The following ADGRD1 variants were observed in gnomAD, a reference collection of about 807,000 sequenced individuals.
ADGRD1 encodes the protein adhesion G protein-coupled receptor D1, also known as G-protein coupled receptor 133.
A neutral mutation model predicts 113.4 loss-of-function variants in ADGRD1; 77 were observed. The ratio of observed to expected loss-of-function variants is 0.68; its 90% CI spans 0.57 to 0.82. ADGRD1 has a LOEUF of 0.82. Ranked by LOEUF, ADGRD1 falls within the 40% of genes least tolerant of loss-of-function variation. The probability of loss-of-function intolerance (pLI) is 0.00; values close to 1 mark genes in which losing one functional copy is unlikely to be tolerated. For synonymous variants in ADGRD1, 474 were observed against 475.0 expected, an observed-to-expected ratio of 1.00 and a Z score of 0.03; for missense variants, 1,036 against 1,139.1, an observed-to-expected ratio of 0.91 and a Z score of 1.30.
intron 12 of ADGRD1, 118 bp from the exon 13 acceptor site, chr12:131,014,069 TCAAAGCTTCATC>T (rs1313184578): frequency 2.2e-6 from 2 of 897,620 alleles, no homozygotes; most frequent in African/African-American, 3.4e-5. Flanking sequence ...ATGAAAGAAA[TCAAAGCTTCATC>T]CAAAGAAGAT....
intron 11 of ADGRD1, among the ~76,000 whole-genome samples, chr12:131,004,742 A>G (rs550926631): frequency 6.6e-6 from 1 of 152,278 alleles, no homozygotes; most frequent in African/African-American, 2.4e-5. Context: ...TGAGGGGTTC[A>G]TCTGTTCAGG....
At chr12:131,056,953 A>G (rs1221909289) in intron 13 of ADGRD1, among the ~76,000 whole-genome samples, 1 of 152,174 alleles carries the variant, frequency 6.6e-6, no homozygotes, top group African/African-American at 2.4e-5. Context: ...GGAGGCGTTG[A>G]TTGTGCCGTG....
At chr12:131,012,025 C>T (rs748467182) in intron 12 of ADGRD1, among the ~76,000 whole-genome samples, 10 of 152,176 alleles carry the variant, frequency 6.6e-5, no homozygotes, top group African/African-American at 1.4e-4. Flanking sequence ...ACTGAGCCCA[C>T]GCATGCCCAG....
rs922988720 is a variant in ADGRD1, at chr12:131,139,312, C to CA, written c.*52dup. ...AGGCTGCGCTCAGAACACACCCCCC[C>CA]AAACAGAATGAAATGCCCCACCTTT... is the stretch of plus-strand genomic sequence containing the variant. On this transcript the variant is annotated 3_prime_UTR_variant, in exon 25 of 25. Transcript: ENST00000261654. The CA allele has an allele frequency of 3.4e-5, 44 of 1,298,744 alleles. No individual in the cohort carries two copies. The highest frequency in any genetic ancestry group is 4.7e-5 in the Non-Finnish European group (43 of 912,080). 80.5% of individuals were successfully genotyped at this position (1,298,744 alleles called of 1,614,324 possible).
At chr12:131,095,928 G>A (rs1446689495) in intron 15 of ADGRD1, among the ~76,000 whole-genome samples, 1 of 152,168 alleles carries the variant, frequency 6.6e-6, no homozygotes, top group Non-Finnish European at 1.5e-5. Context: ...GATGATACAC[G>A]CATGTGGGAA....
At chr12:130,974,801 GTGGCCCTGCT>G (rs1872113798) in intron 4 of ADGRD1, among the ~76,000 whole-genome samples, 1 of 8,056 alleles carries the variant, frequency 1.2e-4, no homozygotes, top group Non-Finnish European at 2.5e-3. Flanking sequence ...GGTCCCTGCT[GTGGCCCTGCT>G]CCGGACCCCC....
intron 9 of ADGRD1, 58 bp downstream of exon 9, chr12:131,000,500 G>A: frequency 1.5e-6 from 2 of 1,367,886 alleles, no homozygotes; most frequent in East Asian, 4.7e-5. Flanking sequence ...CCAGCACTTT[G>A]GGAGGCCAAG....
At chr12:130,959,163 C>T (rs911648429) in intron 2 of ADGRD1, among the ~76,000 whole-genome samples, 5 of 152,244 alleles carry the variant, frequency 3.3e-5, no homozygotes, top group Non-Finnish European at 4.4e-5. Flanking sequence ...GCCTACTTTC[C>T]ACCACGGCCA....
chr12:131,051,881 T>C (rs1350584324), intron 13 of ADGRD1, among the ~76,000 whole-genome samples: 5 of 152,310 alleles, frequency 3.3e-5, no homozygotes, highest in Non-Finnish European at 7.3e-5. Flanking sequence ...TGGTGGAGAA[T>C]TGAATTGAAT....
intron 8 of ADGRD1, among the ~76,000 whole-genome samples, chr12:130,998,925 T>A (rs551604406): frequency 6.6e-6 from 1 of 152,382 alleles, no homozygotes; most frequent in Non-Finnish European, 1.5e-5. Context: ...AGATGCACAC[T>A]GGATTTCTAA....
intron 20 of ADGRD1, among the ~76,000 whole-genome samples, chr12:131,129,797 G>A (rs1950864488): frequency 6.6e-6 from 1 of 152,244 alleles, no homozygotes; most frequent in African/African-American, 2.4e-5. Flanking sequence ...GTAAGAGCAG[G>A]CAGGGTCTGT....
rs55716628 is a variant in ADGRD1 at position 130,993,372 on chromosome 12, T to TTTCATTCATTCATTCATTCA, written c.966+998_966+1017dup. ...CGTAAGAGAAGTTAGACTTCTCAGATTTCATTCATTCATTCATTCATTCAT... is the reference window on the plus strand; with the variant it reads ...CGTAAGAGAAGTTAGACTTCTCAGATTTCATTCATTCATTCATTCATTCATTCATTCATTCATTCATTCAT... On this transcript the variant is annotated intron_variant, in intron 8 of 24. Coordinates refer to ENST00000261654, the MANE Select transcript of ADGRD1 (RefSeq NM_198827.5). 7.1e-5 allele frequency among the ~76,000 whole-genome samples: 10 copies of TTTCATTCATTCATTCATTCA among 141,138 alleles called. No individual in the cohort carries two copies. In the South Asian group the frequency reaches 1.2e-3, roughly 17 times the overall value. The allele number at this position is 141,138 out of a possible 152,430, so 92.6% of individuals were successfully genotyped here.
At chr12:131,118,475 T>C (rs765600475) in intron 19 of ADGRD1, 24 bp downstream of exon 19, 1 of 1,566,910 alleles carries the variant, frequency 6.4e-7, no homozygotes, top group Non-Finnish European at 8.7e-7. Flanking sequence ...TTTGCCTTGC[T>C]TTTGGCAGGC....
chr12:131,101,377 CTTTTTTTTTTTTTT>C, intron 15 of ADGRD1, among the ~76,000 whole-genome samples: 1 of 36,148 alleles, frequency 2.8e-5, no homozygotes, highest in Non-Finnish European at 5.1e-5. Context: ...TTCTTTCTTT[CTTTTTTTTTTTTTT>C]TTTTTTTTTT....
intron 13 of ADGRD1, among the ~76,000 whole-genome samples, chr12:131,032,719 A>G (rs7135163): frequency 0.084 from 10,455 of 124,774 alleles, 1,777 homozygotes; most frequent in African/African-American, 0.38. Context: ...CATCACAGAG[A>G]TGACGTTTAT....
At chr12:131,068,604 A>G (rs966730089) in intron 13 of ADGRD1, among the ~76,000 whole-genome samples, 9 of 152,208 alleles carry the variant, frequency 5.9e-5, no homozygotes, top group Non-Finnish European at 1.2e-4. Flanking sequence ...AAACCACAGC[A>G]TATCTGCTTC....
At chr12:131,070,228 G>A (rs1022324102) in intron 13 of ADGRD1, 2 of 152,446 alleles carry the variant, frequency 1.3e-5, no homozygotes, top group Admixed American at 6.5e-5. Context: ...CCACGGGCTC[G>A]CGACCTGTAT....
At chr12:131,079,787 T>C (rs887145355) in intron 14 of ADGRD1, among the ~76,000 whole-genome samples, 1 of 152,216 alleles carries the variant, frequency 6.6e-6, no homozygotes, top group Non-Finnish European at 1.5e-5. Context: ...ATTCCGTTGT[T>C]AGCCTTTTTC....
At position 131,133,592 on chromosome 12, in the gene ADGRD1, C is replaced by T. The variant is rs554920212; in HGVS notation, c.2267+1776C>T. On this transcript the variant is annotated intron_variant, in intron 21 of 24. Coordinates refer to ENST00000261654, the MANE Select transcript of ADGRD1 (RefSeq NM_198827.5). ...TGGCAGCCCAGGGATGCGTCCCTTC[C>T]GGGGAGGTGCAGGCAGGCATCTCTG... 2.2e-3 allele frequency among the ~76,000 whole-genome samples: 333 copies of T among 152,324 alleles called. 3 individuals carry two copies. Among genetic ancestry groups the T allele is most frequent in the Non-Finnish European group, 2.8e-3 (190 of 68,030 alleles).
Sources: allele counts gnomAD v4.1 joint callset (sites outside exome capture counted in the v4.1 genomes callset), GRCh38; gene constraint gnomAD v4.1.1; transcripts MANE v1.5; gene names NCBI Gene and HGNC (gene_info 2026-07-23, HGNC 2026-07-21).